Variants in DISP1 observed in about 807,000 individuals in gnomAD.
DISP1 encodes protein dispatched homolog 1.
Under a neutral mutation model 37.3 loss-of-function variants are expected in DISP1, and 30 were observed. The ratio of observed to expected loss-of-function variants is 0.80; its 90% CI spans 0.60 to 1.09. The LOEUF is 1.09. Among genes scored for constraint, DISP1 ranks in the 50% least tolerant of loss-of-function variants. The pLI is 0.00. For missense variants in DISP1, 1,598 were observed against 1,879.5 expected (o/e 0.85, Z 2.77); for synonymous variants, 634 against 690.2 (o/e 0.92, Z 1.28).
Position 223,004,673 on chromosome 1 carries a change from G to A in DISP1, c.3276G>A (p.Val1092=). The change falls in exon 9 of 9, where the codon GTG becomes GTA. Residue 1092 remains valine (V), a synonymous_variant. Transcript: ENST00000675850. This position sits in a 1 kb window ranked among gnomAD's most constrained non-coding sequence, Gnocchi z 4.9. ...AMAMAALTTF[V]AGAMMMPSTV... is the part of the protein sequence containing the mutation. ...CCATGGCTGCCCTGACCACCTTCGT[G>A]GCAGGGGCCATGATGATGCCCTCCA... 6.2e-7 allele frequency: 1 copy of A among 1,614,076 alleles called. No homozygotes were observed. The highest frequency in any genetic ancestry group is 1.1e-5 in the South Asian group (1 of 91,082).
intron 3 of DISP1, among the ~76,000 whole-genome samples, chr1:222,957,121 TCTAAA>T (rs1259266525): frequency 1.4e-5 from 2 of 140,504 alleles, no homozygotes; most frequent in African/African-American, 5.3e-5. Flanking sequence ...TTCTAATTGC[TCTAAA>T]CTATTTTCTT....
chr1:222,952,416 A>T (rs1169453257), intron 3 of DISP1, among the ~76,000 whole-genome samples: 3 of 152,216 alleles, frequency 2.0e-5, no homozygotes, highest in African/African-American at 7.2e-5. Context: ...AGCAAATGAA[A>T]CTTATATGAT....
intron 1 of DISP1, among the ~76,000 whole-genome samples, chr1:222,916,620 G>A (rs907613788): frequency 8.5e-5 from 13 of 152,238 alleles, no homozygotes; most frequent in African/African-American, 2.9e-4. Context: ...AGTTTCTAAT[G>A]TATGTCATTT....
At chr1:222,995,770 C>T (rs1679019639) in intron 8 of DISP1, among the ~76,000 whole-genome samples, 5 of 152,134 alleles carry the variant, frequency 3.3e-5, no homozygotes, top group Admixed American at 3.3e-4. Context: ...TTTGTGTTCT[C>T]AGCATAACTC....
chr1:222,840,405 C>G (rs373462746), intron 1 of DISP1, among the ~76,000 whole-genome samples: 3 of 151,944 alleles, frequency 2.0e-5, no homozygotes, highest in Admixed American at 1.3e-4. Context: ...CCATGCCTGG[C>G]TAATTTTTGT....
At chr1:222,816,161 C>A (rs1661200208) in intron 1 of DISP1, among the ~76,000 whole-genome samples, 1 of 151,204 alleles carries the variant, frequency 6.6e-6, no homozygotes, top group Non-Finnish European at 1.5e-5. Flanking sequence ...TCTGTTGTTA[C>A]ACGCACATTA....
intron 1 of DISP1, among the ~76,000 whole-genome samples, chr1:222,899,249 G>A (rs1438844414): frequency 2.6e-5 from 4 of 152,132 alleles, no homozygotes; most frequent in South Asian, 2.1e-4. Context: ...GGGAGGAGTT[G>A]TGGGGGGAGC....
intron 1 of DISP1, among the ~76,000 whole-genome samples, chr1:222,896,604 G>GA (rs143783223): frequency 1.2e-3 from 152 of 132,004 alleles, no homozygotes; most frequent in East Asian, 3.0e-3. Context: ...CTATCTCAGA[G>GA]AAAAAAAAAA....
chr1:222,870,475 C>T (rs1224142490), intron 1 of DISP1, among the ~76,000 whole-genome samples: 2 of 151,988 alleles, frequency 1.3e-5, no homozygotes, highest in Non-Finnish European at 2.9e-5. Context: ...TTTTAATGAT[C>T]GCCATTCTAA....
At chr1:222,952,722 C>T (rs1446648584) in intron 3 of DISP1, among the ~76,000 whole-genome samples, 1 of 152,102 alleles carries the variant, frequency 6.6e-6, no homozygotes, top group African/African-American at 2.4e-5. Flanking sequence ...TGGTGGCACG[C>T]ACCTGTAGTC....
chr1:222,885,727 A>G (rs1670555442), intron 1 of DISP1, among the ~76,000 whole-genome samples: 4 of 152,164 alleles, frequency 2.6e-5, no homozygotes, highest in Admixed American at 2.0e-4. Flanking sequence ...TTAGAAACCA[A>G]GTCTGAGTGC....
intron 1 of DISP1, among the ~76,000 whole-genome samples, chr1:222,881,423 C>T (rs962138495): frequency 1.3e-5 from 2 of 152,106 alleles, no homozygotes; most frequent in African/African-American, 2.4e-5. Context: ...TGAAAACCCC[C>T]GTCTTCAGGT....
chr1:222,940,374 A>G (rs1193987507), intron 2 of DISP1, among the ~76,000 whole-genome samples: 1 of 152,034 alleles, frequency 6.6e-6, no homozygotes, highest in African/African-American at 2.4e-5. Context: ...GAACCCACTC[A>G]CTATCATGAG....
intron 1 of DISP1, among the ~76,000 whole-genome samples, chr1:222,926,973 G>A (rs976208265): frequency 2.0e-5 from 3 of 152,046 alleles, no homozygotes; most frequent in African/African-American, 7.2e-5. Context: ...TTATTTGGGG[G>A]TTACAAATAA....
At chr1:222,890,667 T>C (rs1670889392) in intron 1 of DISP1, among the ~76,000 whole-genome samples, 1 of 152,020 alleles carries the variant, frequency 6.6e-6, no homozygotes, top group South Asian at 2.1e-4. Context: ...AACTGGGTGG[T>C]TTAAACAGCA....
intron 1 of DISP1, among the ~76,000 whole-genome samples, chr1:222,839,230 C>G (rs555115786): frequency 5.9e-5 from 9 of 152,286 alleles, no homozygotes; most frequent in African/African-American, 2.2e-4. Flanking sequence ...ATTAGATTCT[C>G]ATAGGAGTGT....
At chr1:222,912,895 A>C (rs1336613363) in intron 1 of DISP1, among the ~76,000 whole-genome samples, 1 of 152,210 alleles carries the variant, frequency 6.6e-6, no homozygotes, top group African/African-American at 2.4e-5. Context: ...TTCATGTCTG[A>C]GTATTGACCT....
chr1:223,002,325 T>C, intron 8 of DISP1, 60 bp from the exon 9 acceptor site: 1 of 1,475,524 alleles, frequency 6.8e-7, no homozygotes, highest in Non-Finnish European at 9.5e-7. Flanking sequence ...TCCTTTCCAG[T>C]TGTGAACGAT....
At chr1:223,001,341 T>C (rs1679427099) in intron 8 of DISP1, among the ~76,000 whole-genome samples, 1 of 152,360 alleles carries the variant, frequency 6.6e-6, no homozygotes, top group African/African-American at 2.4e-5. Context: ...ATTAAATTCT[T>C]ACTTAGGCAT....
Sources: gnomAD v4.1 joint callset for allele counts (sites outside exome capture counted in the v4.1 genomes callset) on GRCh38, gnomAD v4.1.1 for gene constraint, Gnocchi (gnomAD v3.1) non-coding constraint, MANE v1.5 for transcripts, NCBI Gene and HGNC (gene_info 2026-07-23, HGNC 2026-07-21) for gene names.